The following KCNIP4 variants were observed in gnomAD, a reference collection of about 807,000 sequenced individuals.
The protein encoded by KCNIP4 is potassium voltage-gated channel interacting protein 4.
In KCNIP4, 12 loss-of-function variants were observed where a neutral mutation model predicts 34.0. The observed-to-expected ratio is 0.35, with a 90% confidence interval of 0.23 to 0.57. The LOEUF (loss-of-function observed/expected upper bound fraction) is 0.57. KCNIP4 is among the 20% of genes least tolerant of loss of function. The pLI is 0.83. For synonymous variants in KCNIP4, 124 were observed against 102.2 expected (o/e 1.21, Z -1.29); for missense variants, 238 against 311.7 (o/e 0.76, Z 1.78).
intron 1 of KCNIP4, among the ~76,000 whole-genome samples, chr4:21,828,488 C>T (rs1296322925): frequency 2.0e-5 from 3 of 151,748 alleles, no homozygotes; most frequent in South Asian, 4.1e-4. Flanking sequence ...AAGACATAAA[C>T]CCTAAAATCT....
chr4:21,817,949 G>C (rs1399596745), intron 1 of KCNIP4, among the ~76,000 whole-genome samples: 5 of 152,084 alleles, frequency 3.3e-5, no homozygotes, highest in Non-Finnish European at 7.4e-5. Context: ...CCTTTGTCCT[G>C]TTCCCTCAGA....
At chr4:21,124,043 C>CAAA (rs35229012) in intron 1 of KCNIP4, among the ~76,000 whole-genome samples, 3 of 145,892 alleles carry the variant, frequency 2.1e-5, no homozygotes, top group African/African-American at 7.5e-5. Context: ...AAAAAAACAA[C>CAAA]AAAAAAAAAA....
chr4:20,904,914 G>A (rs1024416240), intron 1 of KCNIP4, among the ~76,000 whole-genome samples: 1 of 152,140 alleles, frequency 6.6e-6, no homozygotes, highest in African/African-American at 2.4e-5. Context: ...GGAGGAGGAA[G>A]AGGATGAGGC....
chr4:20,879,302 A>G (rs1456827345), intron 2 of KCNIP4, among the ~76,000 whole-genome samples: 1 of 152,124 alleles, frequency 6.6e-6, no homozygotes, highest in Non-Finnish European at 1.5e-5. Flanking sequence ...GATGATATCT[A>G]TTACTCTTGC....
At chr4:20,748,626 T>C (rs1752956148) in intron 5 of KCNIP4, among the ~76,000 whole-genome samples, 1 of 142,082 alleles carries the variant, frequency 7.0e-6, no homozygotes, top group Non-Finnish European at 1.5e-5. Context: ...AATATAAATG[T>C]ATATATGGAA....
intron 1 of KCNIP4, among the ~76,000 whole-genome samples, chr4:21,516,588 TCTC>T (rs1333734822): frequency 6.6e-6 from 1 of 152,120 alleles, no homozygotes; most frequent in Non-Finnish European, 1.5e-5. Flanking sequence ...ATCAGTTTCT[TCTC>T]CTGTAGACAG....
At chr4:20,796,570 C>T (rs893718444) in intron 3 of KCNIP4, among the ~76,000 whole-genome samples, 3 of 150,784 alleles carry the variant, frequency 2.0e-5, no homozygotes, top group Admixed American at 1.3e-4. Context: ...TTTATCTATA[C>T]ATGCCTTTAA....
At chr4:20,923,279 G>A (rs916563017) in intron 1 of KCNIP4, among the ~76,000 whole-genome samples, 6 of 152,230 alleles carry the variant, frequency 3.9e-5, no homozygotes, top group Non-Finnish European at 8.8e-5. Context: ...CCATAAGCAG[G>A]CTAGCTACAT....
chr4:20,856,516 T>A (rs13135634), intron 2 of KCNIP4, among the ~76,000 whole-genome samples: 2,797 of 152,306 alleles, frequency 0.018, 31 homozygotes, highest in Non-Finnish European at 0.026. Flanking sequence ...TTCTCCATTG[T>A]GAGTTTTTTT....
At chr4:21,205,624 T>C (rs1756799633) in intron 1 of KCNIP4, among the ~76,000 whole-genome samples, 1 of 152,194 alleles carries the variant, frequency 6.6e-6, no homozygotes, top group Non-Finnish European at 1.5e-5. Flanking sequence ...ACCACGTGCT[T>C]TACAAATACT....
chr4:20,952,340 T>TA (rs1732868599), intron 1 of KCNIP4, among the ~76,000 whole-genome samples: 1 of 152,182 alleles, frequency 6.6e-6, no homozygotes, highest in Admixed American at 6.5e-5. Flanking sequence ...CATTTAATTT[T>TA]ATCCAGATTT....
chr4:21,296,674 A>C (rs751433474), intron 1 of KCNIP4, among the ~76,000 whole-genome samples: 9 of 151,892 alleles, frequency 5.9e-5, no homozygotes, highest in Non-Finnish European at 7.4e-5. Flanking sequence ...TTGGCTTCAG[A>C]GTCTGTGTTC....
At chr4:21,317,049 T>C (rs541869966) in intron 1 of KCNIP4, among the ~76,000 whole-genome samples, 1 of 152,316 alleles carries the variant, frequency 6.6e-6, no homozygotes, top group South Asian at 2.1e-4. Context: ...TATGAGCTGC[T>C]CTGGCCTTCA....
At chr4:21,113,638 G>A (rs762209984) in intron 1 of KCNIP4, among the ~76,000 whole-genome samples, 1 of 152,050 alleles carries the variant, frequency 6.6e-6, no homozygotes, top group Non-Finnish European at 1.5e-5. Flanking sequence ...CAATTACACA[G>A]CTCCAGCCCA....
chr4:21,247,444 C>T (rs1760291450), intron 1 of KCNIP4, among the ~76,000 whole-genome samples: 1 of 151,342 alleles, frequency 6.6e-6, no homozygotes, highest in East Asian at 1.9e-4. Context: ...GAGCAGGAAA[C>T]TTCATGAACT....
chr4:20,947,302 G>T (rs1208372986), intron 1 of KCNIP4, among the ~76,000 whole-genome samples: 2 of 152,142 alleles, frequency 1.3e-5, no homozygotes, highest in African/African-American at 4.8e-5. Context: ...CTGAGTAGCT[G>T]GGATTACAGA....
intron 1 of KCNIP4, among the ~76,000 whole-genome samples, chr4:21,221,391 G>A (rs928162760): frequency 1.1e-4 from 17 of 152,180 alleles, no homozygotes; most frequent in Non-Finnish European, 1.0e-4. Context: ...TCGATTCACA[G>A]TTCAGCATGC....
At chr4:20,908,396 C>T (rs1728001802) in intron 1 of KCNIP4, among the ~76,000 whole-genome samples, 2 of 152,282 alleles carry the variant, frequency 1.3e-5, no homozygotes, top group Non-Finnish European at 2.9e-5. Flanking sequence ...CACCCGGCCT[C>T]GTCAGTCTTT....
intron 1 of KCNIP4, among the ~76,000 whole-genome samples, chr4:21,603,987 T>C (rs1743431228): frequency 6.6e-6 from 1 of 152,086 alleles, no homozygotes; most frequent in Admixed American, 6.6e-5. Context: ...TAAGTTGAAA[T>C]TTTAGTAGAC....
Sources: gnomAD v4.1 joint callset for allele counts (sites outside exome capture counted in the v4.1 genomes callset) on GRCh38, gnomAD v4.1.1 for gene constraint, MANE v1.5 for transcripts, NCBI Gene and HGNC (gene_info 2026-07-23, HGNC 2026-07-21) for gene names.